The following FBXL20 variants were observed in gnomAD, a reference collection of about 807,000 sequenced individuals.
The protein encoded by FBXL20 is F-box and leucine rich repeat protein 20, also known as F-box/LRR-repeat protein 20.
Under a neutral mutation model 64.0 loss-of-function variants are expected in FBXL20, and 11 were observed. That is an observed-to-expected ratio of 0.17 (90% CI 0.11 to 0.28). FBXL20 has a LOEUF of 0.28. Ranked by LOEUF, FBXL20 falls within the 10% of genes least tolerant of loss-of-function variation. The probability of loss-of-function intolerance (pLI) is 1.00; values close to 1 mark genes in which losing one functional copy is unlikely to be tolerated. For missense variants in FBXL20, 303 were observed against 526.2 expected, an observed-to-expected ratio of 0.58 and a Z score of 4.15; for synonymous variants, 184 against 189.0, an observed-to-expected ratio of 0.97 and a Z score of 0.22.
chr17:39,378,863 G>C (rs187191716), intron 1 of FBXL20, among the ~76,000 whole-genome samples: 1 of 150,820 alleles, frequency 6.6e-6, no homozygotes, highest in Admixed American at 6.6e-5. Context: ...CGCCTGCCTC[G>C]GCCTCTCAAA....
intron 12 of FBXL20, among the ~76,000 whole-genome samples, chr17:39,267,681 A>G (rs965179091): frequency 6.6e-6 from 1 of 152,194 alleles, no homozygotes; most frequent in African/African-American, 2.4e-5. Flanking sequence ...CTGAAAGTAA[A>G]TCAGCACTTC....
At chr17:39,384,550 T>C (rs949468368) in intron 1 of FBXL20, among the ~76,000 whole-genome samples, 1 of 151,242 alleles carries the variant, frequency 6.6e-6, no homozygotes, top group Admixed American at 6.6e-5. Context: ...TAAAATATAA[T>C]AAAATTTATA....
At chr17:39,262,174 T>A (rs2046752522) in intron 14 of FBXL20, among the ~76,000 whole-genome samples, 1 of 152,082 alleles carries the variant, frequency 6.6e-6, no homozygotes, top group African/African-American at 2.4e-5. Flanking sequence ...ATGCTCACAG[T>A]CCTCTATGTC....
chr17:39,261,810 C>T (rs1255190029), intron 14 of FBXL20, among the ~76,000 whole-genome samples: 5 of 151,948 alleles, frequency 3.3e-5, no homozygotes, highest in African/African-American at 9.7e-5. Flanking sequence ...GGGCCGGGCG[C>T]GGTGGCTCAC....
Position 39,261,570 on chromosome 17 carries a change from G to A in FBXL20, c.1204-3C>T. ...ACTTTAATATTGGGTAAATGGGTCT[G>A]AAACAAGACAGAAACATTAAACGTT... On this transcript the variant is annotated splice_polypyrimidine_tract_variant and splice_region_variant and intron_variant, in intron 14 of 14. Transcript: ENST00000264658. 1 of 1,600,458 alleles carries A rather than the reference G, an allele frequency of 6.2e-7. No homozygotes were observed. Among genetic ancestry groups the A allele is most frequent in the Non-Finnish European group, 8.6e-7 (1 of 1,169,412 alleles).
intron 1 of FBXL20, among the ~76,000 whole-genome samples, chr17:39,393,068 C>T (rs1216237814): frequency 1.3e-5 from 2 of 151,954 alleles, no homozygotes; most frequent in East Asian, 1.9e-4. Context: ...GCGGGCGGAT[C>T]ACCTGAGGTC....
intron 7 of FBXL20, 85 bp downstream of exon 7, chr17:39,285,393 C>T: frequency 1.1e-6 from 1 of 881,046 alleles, no homozygotes; most frequent in Non-Finnish European, 1.7e-6. Context: ...ACAGAGTTGC[C>T]TTCAATTCCC....
intron 7 of FBXL20, among the ~76,000 whole-genome samples, chr17:39,285,171 T>C (rs1597774790): frequency 6.6e-6 from 1 of 152,194 alleles, no homozygotes; most frequent in East Asian, 1.9e-4. Context: ...CCCAAAATGC[T>C]GGGATTACAG....
At chr17:39,387,495 T>C (rs982273756) in intron 1 of FBXL20, among the ~76,000 whole-genome samples, 2 of 151,990 alleles carry the variant, frequency 1.3e-5, no homozygotes, top group African/African-American at 4.8e-5. Context: ...GCCAGGCTGG[T>C]CTCGAACTCC....
At chr17:39,302,188 CTATATATAGAGTA>C (rs1485461403) in intron 3 of FBXL20, among the ~76,000 whole-genome samples, 1 of 151,924 alleles carries the variant, frequency 6.6e-6, no homozygotes, top group African/African-American at 2.4e-5. Context: ...CTCTCTTTTT[CTATATATAGAGTA>C]TATATATAGA....
intron 2 of FBXL20, among the ~76,000 whole-genome samples, chr17:39,326,781 G>A (rs763731415): frequency 3.3e-5 from 5 of 151,432 alleles, no homozygotes; most frequent in South Asian, 2.1e-4. Context: ...CACCACACCC[G>A]GCTAACATAT....
At chr17:39,317,679 TTTTTTTTTTGTTTTTTTTTTTG>T in intron 2 of FBXL20, among the ~76,000 whole-genome samples, 2 of 65,930 alleles carry the variant, frequency 3.0e-5, no homozygotes, top group African/African-American at 2.5e-4. Context: ...TTGACTTTGT[TTTTTTTTTTGTTTTTTTTTTTG>T]TTTTTTTTTT....
chr17:39,366,760 T>G (rs2047863725), intron 1 of FBXL20, among the ~76,000 whole-genome samples: 1 of 152,184 alleles, frequency 6.6e-6, no homozygotes, highest in Non-Finnish European at 1.5e-5. Flanking sequence ...CCATTCTAAT[T>G]TGGGGTCCTT....
intron 2 of FBXL20, among the ~76,000 whole-genome samples, chr17:39,315,263 T>C (rs1272592446): frequency 3.9e-5 from 6 of 151,950 alleles, no homozygotes; most frequent in African/African-American, 4.8e-5. Context: ...GTTGTTATGA[T>C]TGGCATTTCC....
intron 1 of FBXL20, among the ~76,000 whole-genome samples, chr17:39,368,021 G>A (rs1401500961): frequency 6.6e-6 from 1 of 151,714 alleles, no homozygotes; most frequent in Non-Finnish European, 1.5e-5. Context: ...CCAGTGATCC[G>A]CTGGACTCAG....
chr17:39,327,299 CA>C (rs1179475648), intron 2 of FBXL20, among the ~76,000 whole-genome samples: 2 of 151,958 alleles, frequency 1.3e-5, no homozygotes, highest in East Asian at 3.9e-4. Context: ...AGACAAAAAG[CA>C]AACAAAAAAG....
intron 1 of FBXL20, among the ~76,000 whole-genome samples, chr17:39,384,159 AG>A (rs1185756397): frequency 2.0e-5 from 3 of 152,062 alleles, no homozygotes; most frequent in Admixed American, 6.6e-5. Context: ...ACTAGGGCCC[AG>A]GAAGTCAAGG....
intron 1 of FBXL20, among the ~76,000 whole-genome samples, chr17:39,384,625 C>CTAAA (rs1374658672): frequency 6.6e-6 from 1 of 151,982 alleles, no homozygotes. Flanking sequence ...AACTATATGT[C>CTAAA]CAGTATAATC....
chr17:39,306,788 C>A (rs1212636345), intron 2 of FBXL20, among the ~76,000 whole-genome samples: 1 of 152,148 alleles, frequency 6.6e-6, no homozygotes, highest in African/African-American at 2.4e-5. Context: ...TAACAGATTT[C>A]TGATATTTTG....
Sources: allele counts gnomAD v4.1 joint callset (sites outside exome capture counted in the v4.1 genomes callset), GRCh38; gene constraint gnomAD v4.1.1; transcripts MANE v1.5; gene names NCBI Gene and HGNC (gene_info 2026-07-23, HGNC 2026-07-21).